CAMTA1: variants seen among roughly 807,000 people sequenced by gnomAD.
CAMTA1 encodes calmodulin binding transcription activator 1.
Under a neutral mutation model 170.9 loss-of-function variants are expected in CAMTA1, and 27 were observed. The ratio of observed to expected loss-of-function variants is 0.16; its 90% confidence interval spans 0.12 to 0.22. The LOEUF (loss-of-function observed/expected upper bound fraction) is 0.22. CAMTA1 is among the 10% of genes least tolerant of loss of function. CAMTA1 has a pLI of 1.00. For missense variants in CAMTA1, 1,619 were observed against 2,217.2 expected, an observed-to-expected ratio of 0.73 and a Z score of 5.42; for synonymous variants, 833 against 891.5, an observed-to-expected ratio of 0.93 and a Z score of 1.17.
chr1:6,980,715 C>G (rs1198935532), intron 3 of CAMTA1, among the ~76,000 whole-genome samples: 1 of 152,134 alleles, frequency 6.6e-6, no homozygotes, highest in Non-Finnish European at 1.5e-5. Flanking sequence ...AGTTCCCCTG[C>G]ACACACACTC....
chr1:6,836,540 C>T (rs1420526482), intron 3 of CAMTA1, among the ~76,000 whole-genome samples: 1 of 152,092 alleles, frequency 6.6e-6, no homozygotes, highest in Non-Finnish European at 1.5e-5. Flanking sequence ...CCCTTCAGCT[C>T]TGGGGAATTG....
intron 1 of CAMTA1, among the ~76,000 whole-genome samples, chr1:6,793,227 G>A (rs1641637552): frequency 6.6e-6 from 1 of 152,126 alleles, no homozygotes; most frequent in South Asian, 2.1e-4. Flanking sequence ...ATTTTTGGAT[G>A]TGTAATATTC....
chr1:7,281,014 AAC>A (rs1671428173), intron 5 of CAMTA1, among the ~76,000 whole-genome samples: 1 of 152,252 alleles, frequency 6.6e-6, no homozygotes, highest in African/African-American at 2.4e-5. Flanking sequence ...ATTATTTACA[AAC>A]ACAGAATTAA....
chr1:6,906,964 C>T (rs1377714249), intron 3 of CAMTA1, among the ~76,000 whole-genome samples: 2 of 152,228 alleles, frequency 1.3e-5, no homozygotes, highest in East Asian at 1.9e-4. Flanking sequence ...GCTGTTGTCT[C>T]TCCCATCCCC....
intron 6 of CAMTA1, among the ~76,000 whole-genome samples, chr1:7,577,008 T>C (rs1375085201): frequency 6.6e-6 from 1 of 152,216 alleles, no homozygotes; most frequent in Non-Finnish European, 1.5e-5. Context: ...CTAATGCCTT[T>C]GTGGTTATTC....
chr1:6,978,497 G>T (rs990624953), intron 3 of CAMTA1, among the ~76,000 whole-genome samples: 11 of 152,066 alleles, frequency 7.2e-5, no homozygotes, highest in African/African-American at 2.7e-4. Context: ...AGCTGGGCGT[G>T]GTGGCAGGTG....
chr1:7,751,237 T>C lies in CAMTA1; in HGVS notation c.4728T>C (p.Leu1576=). The C allele has an allele frequency of 3.7e-6, 6 of 1,608,290 alleles. No individual in the cohort carries two copies. Among genetic ancestry groups the C allele is most frequent in the Non-Finnish European group, 5.1e-6 (6 of 1,178,406 alleles). Residue 1576 remains leucine, a synonymous_variant, in exon 20 of 23, where the codon CTT becomes CTC. Coordinates refer to ENST00000303635, the MANE Select transcript of CAMTA1 (RefSeq NM_015215.4). ...LYKKMTQAAI[L]IQSKFRSYYE... ...AAAAGATGACACAGGCTGCCATCCT[T>C]ATCCAGAGCAAATTCCGAAGTTACT...
At chr1:7,104,225 C>G (rs1053476300) in intron 4 of CAMTA1, among the ~76,000 whole-genome samples, 2 of 146,946 alleles carry the variant, frequency 1.4e-5, no homozygotes, top group African/African-American at 2.6e-5. Flanking sequence ...ACACACAACA[C>G]AACTACACAC....
At chr1:7,309,283 G>GA (rs1375305801) in intron 5 of CAMTA1, among the ~76,000 whole-genome samples, 1 of 122,696 alleles carries the variant, frequency 8.2e-6, no homozygotes, top group African/African-American at 3.0e-5. Flanking sequence ...ATTGCAGTTA[G>GA]AAAATTTTTT....
chr1:7,095,568 C>A (rs1572992704), intron 4 of CAMTA1, among the ~76,000 whole-genome samples: 1 of 152,196 alleles, frequency 6.6e-6, no homozygotes, highest in South Asian at 2.1e-4. Flanking sequence ...AAGCCCATAC[C>A]CTTTGCTTTT....
intron 3 of CAMTA1, among the ~76,000 whole-genome samples, chr1:7,018,674 C>T (rs74051083): frequency 0.017 from 2,661 of 152,318 alleles, 86 homozygotes; most frequent in African/African-American, 0.059. Flanking sequence ...TAACCGGAAT[C>T]AGCACCGCTC....
At chr1:7,016,237 T>C (rs1700518010) in intron 3 of CAMTA1, among the ~76,000 whole-genome samples, 1 of 152,224 alleles carries the variant, frequency 6.6e-6, no homozygotes, top group African/African-American at 2.4e-5. Context: ...AGTTGGTGTA[T>C]GTGTCAACAG....
At chr1:7,739,852 G>T (rs1237220342) in intron 16 of CAMTA1, among the ~76,000 whole-genome samples, 1 of 152,102 alleles carries the variant, frequency 6.6e-6, no homozygotes, top group Non-Finnish European at 1.5e-5. Flanking sequence ...ACTGACCACC[G>T]CAGTTTCCCT....
At chr1:6,793,049 T>A (rs929600269) in intron 1 of CAMTA1, among the ~76,000 whole-genome samples, 1 of 151,352 alleles carries the variant, frequency 6.6e-6, no homozygotes, top group Non-Finnish European at 1.5e-5. Context: ...CCCACTCTTA[T>A]ATATATATAT....
At chr1:7,675,004 G>A (rs2096100888) in intron 10 of CAMTA1, among the ~76,000 whole-genome samples, 1 of 152,168 alleles carries the variant, frequency 6.6e-6, no homozygotes, top group African/African-American at 2.4e-5. Context: ...CAAGATAACT[G>A]GTGAAAACTG....
intron 1 of CAMTA1, among the ~76,000 whole-genome samples, chr1:6,786,088 C>T (rs1267175633): frequency 6.6e-6 from 1 of 151,868 alleles, no homozygotes; most frequent in African/African-American, 2.4e-5. Flanking sequence ...TCGCCGGCCC[C>T]CTGCTCTCCG....
At chr1:6,907,544 A>G (rs748120857) in intron 3 of CAMTA1, among the ~76,000 whole-genome samples, 14 of 152,164 alleles carry the variant, frequency 9.2e-5, no homozygotes, top group Non-Finnish European at 1.5e-4. Flanking sequence ...CCGCCGCTCT[A>G]TGACCTTCAG....
At chr1:7,258,301 C>A (rs1306699443) in intron 5 of CAMTA1, among the ~76,000 whole-genome samples, 1 of 152,126 alleles carries the variant, frequency 6.6e-6, no homozygotes, top group Non-Finnish European at 1.5e-5. Context: ...TTGATATGAG[C>A]CTTATTAAGC....
chr1:7,637,618 C>T lies in CAMTA1; in HGVS notation c.511-2782C>T, dbSNP rs1327531694. Among the ~76,000 whole-genome samples the T allele has an allele frequency of 2.6e-5, 4 of 152,198 alleles. No individual in the cohort carries two copies. In the East Asian group the frequency reaches 7.7e-4, roughly 29 times the overall value. On this transcript the variant is annotated intron_variant, in intron 6 of 22. Coordinates refer to ENST00000303635, the MANE Select transcript of CAMTA1 (RefSeq NM_015215.4). ...AGAATGAAGTGAAATGGAGATGAGA[C>T]AGTACTTAGGCCAAGCAAAAAGAGA...
Sources: allele counts gnomAD v4.1 joint callset (sites outside exome capture counted in the v4.1 genomes callset), GRCh38; gene constraint gnomAD v4.1.1; transcripts MANE v1.5; gene names NCBI Gene and HGNC (gene_info 2026-07-23, HGNC 2026-07-21).